The following PKP2 variants were observed in gnomAD, a reference collection of about 807,000 sequenced individuals.
The protein encoded by PKP2 is plakophilin 2, also known as plakophilin-2.
PKP2 carries 73 observed loss-of-function variants against 83.4 expected under a neutral mutation model. The ratio of observed to expected loss-of-function variants is 0.88; its 90% CI spans 0.72 to 1.06. The LOEUF (loss-of-function observed/expected upper bound fraction) is 1.06. PKP2 is among the 50% of genes least tolerant of loss of function. PKP2 has a pLI of 0.00. For synonymous variants in PKP2, 409 were observed against 430.4 expected (o/e 0.95, Z 0.62); for missense variants, 966 against 1,065.4 (o/e 0.91, Z 1.30).
chr12:32,822,499 A>T lies in PKP2; in HGVS notation c.1807T>A (p.Cys603Ser), dbSNP rs1410016093. The change falls in exon 8 of 13, where the codon TGT becomes AGT. Residue 603 changes from cysteine (C) to serine (S), a missense_variant. Transcript: ENST00000340811. ...IQTDNNKSIGCFGSRSRKVKE... is the reference protein window; with the variant it reads ...IQTDNNKSIGSFGSRSRKVKE... ...ACTTTCCTGCTTCGACTGCCAAAAC[A>T]TCCAATACTTTTGTTGTTGTCAGTC... 6.2e-7 allele frequency: 1 copy of T among 1,614,048 alleles called. No individual in the cohort carries two copies. The highest frequency in any genetic ancestry group is 8.5e-7 in the Non-Finnish European group (1 of 1,180,032).
chr12:32,798,834 A>C (rs1315986114), intron 10 of PKP2, among the ~76,000 whole-genome samples: 3 of 152,096 alleles, frequency 2.0e-5, no homozygotes, highest in Non-Finnish European at 2.9e-5. Context: ...CACTGGAAAA[A>C]CTCTTCTAGA....
At chr12:32,884,906 C>T (rs960791149) in intron 1 of PKP2, among the ~76,000 whole-genome samples, 1 of 152,082 alleles carries the variant, frequency 6.6e-6, no homozygotes, top group African/African-American at 2.4e-5. Flanking sequence ...TTCATTTCAC[C>T]TGCACAGTGC....
In PKP2 at chr12:32,814,074, G is replaced by T. The variant is rs779994188; in HGVS notation, c.2013+7282C>A. Among the ~76,000 whole-genome samples the T allele has an allele frequency of 4.7e-4, 72 of 152,130 alleles. 1 individual carries two copies. The highest frequency in any genetic ancestry group is 9.6e-4 in the Non-Finnish European group (65 of 68,024). ...GACACCACTCCTGTATCCTGGGCCA[G>T]GAGGGACGTTTGGCACTCTCTGTCT... is the stretch of plus-strand genomic sequence containing the variant. On this transcript the variant is annotated intron_variant, in intron 9 of 12. Coordinates refer to ENST00000340811, the MANE Select transcript of PKP2 (RefSeq NM_001005242.3).
At position 32,821,507 on chromosome 12, in the gene PKP2, G is replaced by A. The variant is rs773061639; in HGVS notation, c.1862C>T (p.Pro621Leu). ...GCCCTTGGGGTTGCTCTTTTCCTCCGGCATCGGCACGTCCTGGTATTGCTG... is the reference window on the plus strand; with the variant it reads ...GCCCTTGGGGTTGCTCTTTTCCTCCAGCATCGGCACGTCCTGGTATTGCTG... ...VKEQYQDVPM[P>L]EEKSNPKGVE... The change falls in exon 9 of 13, where the codon CCG becomes CTG. Residue 621 changes from proline to leucine, a missense_variant. Coordinates refer to ENST00000340811, the MANE Select transcript of PKP2 (RefSeq NM_001005242.3). The A allele has an allele frequency of 1.1e-5, 17 of 1,613,794 alleles. No individual in the cohort carries two copies. The highest frequency in any genetic ancestry group is 1.7e-5 in the Admixed American group (1 of 59,970).
At chr12:32,845,396 A>G (rs1222041700) in intron 5 of PKP2, among the ~76,000 whole-genome samples, 1 of 151,884 alleles carries the variant, frequency 6.6e-6, no homozygotes, top group Non-Finnish European at 1.5e-5. Flanking sequence ...TAAAAATACA[A>G]AAAAAATTAG....
Position 32,822,461 on chromosome 12 carries a change from A to G in PKP2, c.1839+6T>C, listed in dbSNP as rs985611212. 2 of 1,613,270 alleles carry G rather than the reference A, an allele frequency of 1.2e-6. No individual in the cohort carries two copies. The highest frequency in any genetic ancestry group is 2.7e-5 in the African/African-American group (2 of 75,034). ...TTCTCATTCTTTCAAAAACTTCCCAATATACCTCTTTTACTTTCCTGCTTC... is the reference window on the plus strand; with the variant it reads ...TTCTCATTCTTTCAAAAACTTCCCAGTATACCTCTTTTACTTTCCTGCTTC... On this transcript the variant is annotated splice_donor_region_variant and intron_variant, in intron 8 of 12. Coordinates refer to ENST00000340811, the MANE Select transcript of PKP2 (RefSeq NM_001005242.3).
At chr12:32,843,435 T>C (rs992819516) in intron 5 of PKP2, 11 of 652,058 alleles carry the variant, frequency 1.7e-5, no homozygotes, top group South Asian at 2.7e-5. Context: ...AGAGCCTGTA[T>C]AGTTAAAGCT....
chr12:32,885,820 C>CT (rs138025048), intron 1 of PKP2, among the ~76,000 whole-genome samples: 2,517 of 152,278 alleles, frequency 0.017, 50 homozygotes, highest in African/African-American at 0.047. Context: ...AAAAAACCAA[C>CT]TACAGTTTCT....
rs745647407 is a variant in PKP2, at chr12:32,822,550, T to C, written c.1756A>G (p.Ile586Val). 5 of 1,614,062 alleles carry C rather than the reference T, an allele frequency of 3.1e-6. No individual in the cohort carries two copies. Among genetic ancestry groups the C allele is most frequent in the East Asian group, 4.5e-5 (2 of 44,878 alleles). ...AELPEKYSQN[I>V]YIQNRNIQTD... ...TGGATATTCCGGTTTTGAATATAGA[T>C]ATTCTGGGAATATTTCTCTGGGAGC... is the stretch of plus-strand genomic sequence containing the variant. Residue 586 changes from isoleucine to valine, a missense_variant, in exon 8 of 13, where the codon ATC (isoleucine) becomes GTC (valine). Transcript: ENST00000340811.
chr12:32,849,474 C>T (rs1956677951), intron 5 of PKP2, among the ~76,000 whole-genome samples: 1 of 152,218 alleles, frequency 6.6e-6, no homozygotes, highest in Non-Finnish European at 1.5e-5. Flanking sequence ...CTGCCTTGGC[C>T]TCCCAAAGTG....
chr12:32,869,097 A>AACCTCCC, intron 3 of PKP2, 35 bp from the exon 4 acceptor site: 1 of 1,612,574 alleles, frequency 6.2e-7, no homozygotes, highest in South Asian at 1.1e-5. Flanking sequence ...CCAGATTCCA[A>AACCTCCC]ACCTCCCTCC....
intron 10 of PKP2, among the ~76,000 whole-genome samples, chr12:32,801,996 T>G (rs947334629): frequency 6.6e-6 from 1 of 152,198 alleles, no homozygotes; most frequent in African/African-American, 2.4e-5. Flanking sequence ...TATATGTGTT[T>G]TTCAAATGTT....
At chr12:32,841,467 G>C (rs1956591730) in intron 5 of PKP2, among the ~76,000 whole-genome samples, 1 of 152,130 alleles carries the variant, frequency 6.6e-6, no homozygotes, top group Admixed American at 6.5e-5. Flanking sequence ...TACAAATAAA[G>C]GCCAGACATG....
At chr12:32,802,352 A>C in intron 10 of PKP2, 51 bp downstream of exon 10, 3 of 1,551,982 alleles carry the variant, frequency 1.9e-6, no homozygotes, top group Non-Finnish European at 2.7e-6. Flanking sequence ...ATTTCATTGC[A>C]TTGTATCTTC....
rs144921981 is a variant in PKP2, at chr12:32,817,813, G to C, written c.2013+3543C>G. Among the ~76,000 whole-genome samples, 19 of 152,282 alleles carry C rather than the reference G, an allele frequency of 1.2e-4. No homozygotes were observed. The South Asian group carries it at 3.5e-3, about 28-fold the overall frequency. ...TAGTGGGGAAGATCCCAACCCCCGG[G>C]TCACAGTACCAGTCCGTGGACTGTT... On this transcript the variant is annotated intron_variant, in intron 9 of 12. Coordinates refer to ENST00000340811, the MANE Select transcript of PKP2 (RefSeq NM_001005242.3).
chr12:32,878,899 T>TTA (rs1488928911), intron 2 of PKP2, 21 bp downstream of exon 2: 1 of 1,200,462 alleles, frequency 8.3e-7, no homozygotes, highest in Non-Finnish European at 1.2e-6. Flanking sequence ...ATCACTAGGG[T>TTA]TACATTCTTT....
intron 3 of PKP2, 30 bp from the exon 4 acceptor site, chr12:32,869,092 T>C (rs1357253441): frequency 1.2e-6 from 2 of 1,612,932 alleles, no homozygotes; most frequent in East Asian, 2.2e-5. Context: ...TTCAGCCAGA[T>C]TCCAAACCTC....
chr12:32,845,615 T>G (rs1956637738), intron 5 of PKP2, among the ~76,000 whole-genome samples: 1 of 151,888 alleles, frequency 6.6e-6, no homozygotes, highest in Non-Finnish European at 1.5e-5. Flanking sequence ...ATATAGTAAT[T>G]TAACAAATCT....
At chr12:32,888,065 C>G (rs980277667) in intron 1 of PKP2, among the ~76,000 whole-genome samples, 1 of 151,982 alleles carries the variant, frequency 6.6e-6, no homozygotes, top group Non-Finnish European at 1.5e-5. Flanking sequence ...ACCTGTAGTC[C>G]CAACTACTCA....
Sources: gnomAD v4.1 joint callset for allele counts (sites outside exome capture counted in the v4.1 genomes callset) on GRCh38, gnomAD v4.1.1 for gene constraint, MANE v1.5 for transcripts, NCBI Gene and HGNC (gene_info 2026-07-23, HGNC 2026-07-21) for gene names.